Variants in CSMD2 observed in about 807,000 individuals in gnomAD.
CSMD2 encodes the protein CUB and Sushi multiple domains 2, also known as CUB and sushi domain-containing protein 2.
In CSMD2, 130 loss-of-function variants were observed where a neutral mutation model predicts 398.5. That is an observed-to-expected ratio of 0.33 (90% confidence interval 0.28 to 0.38). The LOEUF is 0.38. Among genes scored for constraint, CSMD2 ranks in the 10% least tolerant of loss-of-function variants. The probability of loss-of-function intolerance (pLI) is 1.00; values close to 1 mark genes in which losing one functional copy is unlikely to be tolerated. For synonymous variants in CSMD2, 1,828 were observed against 1,908.5 expected (o/e 0.96, Z 1.10); for missense variants, 3,829 against 4,764.9 (o/e 0.80, Z 5.78).
At chr1:34,074,250 T>G (rs1656064888) in intron 2 of CSMD2, among the ~76,000 whole-genome samples, 1 of 152,252 alleles carries the variant, frequency 6.6e-6, no homozygotes, top group Non-Finnish European at 1.5e-5. Flanking sequence ...CAAAGAGAAT[T>G]AATACTACCC....
rs1642575910 is a variant in CSMD2 at position 33,633,272 on chromosome 1, T to TG, written c.5200+149dup. ...GTTGGAGCTCTCACGAGCTGGCTGC[T>TG]GCGTTGTAGACAAGCACCAGAACAC... On this transcript the variant is annotated intron_variant, in intron 32 of 70. Coordinates refer to ENST00000373381, the MANE Select transcript of CSMD2 (RefSeq NM_001281956.2). The surrounding 1 kb of genome is among the most constrained non-coding windows in gnomAD (Gnocchi z 5.0). 1 of 646,232 alleles carries TG rather than the reference T, an allele frequency of 1.5e-6. No individual in the cohort carries two copies. The highest frequency in any genetic ancestry group is 1.8e-5 in the South Asian group (1 of 54,798). 40.0% of individuals were successfully genotyped at this position (646,232 alleles called of 1,614,324 possible).
intron 6 of CSMD2, among the ~76,000 whole-genome samples, chr1:33,836,531 G>A (rs566223551): frequency 1.3e-5 from 2 of 152,290 alleles, no homozygotes; most frequent in African/African-American, 2.4e-5. Flanking sequence ...CTTCCCAGCC[G>A]CTTTGTTTAC....
chr1:33,874,757 A>G (rs924174742), intron 5 of CSMD2, among the ~76,000 whole-genome samples: 13 of 152,180 alleles, frequency 8.5e-5, no homozygotes, highest in African/African-American at 3.1e-4. Context: ...CAGAATCAGC[A>G]TTTTCCTCTC....
Position 33,810,820 on chromosome 1 carries a change from T to C in CSMD2, c.1369A>G (p.Thr457Ala). The C allele has an allele frequency of 1.9e-6, 3 of 1,611,628 alleles. No homozygotes were observed. Among genetic ancestry groups the C allele is most frequent in the South Asian group, 1.1e-5 (1 of 90,868 alleles). ...TACTGAATGGGGAAATTGGGGGAGGTGATGATGCCCGAGGGGCCTCGAAGG... is the reference window on the plus strand; with the variant it reads ...TACTGAATGGGGAAATTGGGGGAGGCGATGATGCCCGAGGGGCCTCGAAGG... ...AHLRGPSGII[T>A]SPNFPIQYDN... Residue 457 changes from threonine (T) to alanine (A), a missense_variant, in exon 10 of 71, where the codon ACC (threonine) becomes GCC (alanine). Physicochemically the swap from Thr to Ala is moderately conservative, Grantham distance 58. This residue lies in a region of CSMD2 where 2,001 missense variants were observed against 2,567.1 expected (regional missense o/e 0.78). Transcript: ENST00000373381.
chr1:33,719,345 T>C (rs1268501400), intron 19 of CSMD2, among the ~76,000 whole-genome samples: 2 of 152,234 alleles, frequency 1.3e-5, no homozygotes, highest in Non-Finnish European at 2.9e-5. Flanking sequence ...CTTTGCACTC[T>C]ATTCTTCTAG....
Position 34,163,800 on chromosome 1 carries a change from G to T in CSMD2, c.187+1111C>A, listed in dbSNP as rs1641582725. On this transcript the variant is annotated intron_variant, in intron 1 of 70. Transcript: ENST00000373381. This position sits in a 1 kb window ranked among gnomAD's most constrained non-coding sequence, Gnocchi z 5.4. The stretch of plus-strand genomic sequence containing the variant: ...ATGAAAATGCGGTTCCAGGCATCCC[G>T]GTTTGGACCCGTCTCCACCCGGGCA... Among the ~76,000 whole-genome samples the T allele has an allele frequency of 6.6e-6, 1 of 152,150 alleles. No individual in the cohort carries two copies. Among genetic ancestry groups the T allele is most frequent in the African/African-American group, 2.4e-5 (1 of 41,438 alleles).
intron 25 of CSMD2, among the ~76,000 whole-genome samples, chr1:33,685,251 G>A (rs754571252): frequency 1.2e-4 from 18 of 152,200 alleles, no homozygotes; most frequent in Admixed American, 2.0e-4. Flanking sequence ...CCTGAGCAGC[G>A]GTACCAAGTC....
At chr1:33,522,651 T>C (rs78442276) in intron 67 of CSMD2, among the ~76,000 whole-genome samples, 13,021 of 152,268 alleles carry the variant, frequency 0.086, 576 homozygotes, top group Non-Finnish European at 0.099. Context: ...TACTCTGGTC[T>C]ACCATGACCT....
chr1:33,636,367 G>A lies in CSMD2; in HGVS notation c.4962C>T (p.Val1654=). ...GKPVWNNPRP[V]CTAPCGGQYV... ...TCCCCAGGCTTCCACCACCTGTGCA[G>A]ACTGGCCGGGGATTGTTCCACACGG... The change falls in exon 30 of 71, where the codon GTC becomes GTT. Residue 1654 remains valine, a synonymous_variant. Transcript: ENST00000373381. The surrounding 1 kb of genome is among the most constrained non-coding windows in gnomAD (Gnocchi z 4.8). 1 of 1,605,956 alleles carries A rather than the reference G, an allele frequency of 6.2e-7. No individual in the cohort carries two copies. Among genetic ancestry groups the A allele is most frequent in the Non-Finnish European group, 8.5e-7 (1 of 1,176,154 alleles).
At chr1:33,678,252 A>G (rs1644785718) in intron 25 of CSMD2, among the ~76,000 whole-genome samples, 1 of 151,300 alleles carries the variant, frequency 6.6e-6, no homozygotes, top group Non-Finnish European at 1.5e-5. Flanking sequence ...AGATGCTGGC[A>G]CCATGCTTCT....
intron 48 of CSMD2, among the ~76,000 whole-genome samples, chr1:33,578,679 A>G (rs1382380030): frequency 1.3e-5 from 2 of 152,196 alleles, no homozygotes; most frequent in Non-Finnish European, 1.5e-5. Flanking sequence ...CTGTGAGGCC[A>G]GGAAAGAGGG....
chr1:33,539,540 A>G (rs956870594), intron 60 of CSMD2, among the ~76,000 whole-genome samples: 6 of 152,250 alleles, frequency 3.9e-5, no homozygotes, highest in Admixed American at 6.5e-5. Context: ...TAGAAAATGT[A>G]TACATATCAC....
At chr1:33,991,863 C>A in intron 3 of CSMD2, among the ~76,000 whole-genome samples, 1 of 147,702 alleles carries the variant, frequency 6.8e-6, no homozygotes, top group African/African-American at 2.5e-5. Context: ...ATTAAGTGGT[C>A]CAAGTCAATA....
chr1:33,771,250 C>T (rs1270002471), intron 13 of CSMD2, among the ~76,000 whole-genome samples: 2 of 152,136 alleles, frequency 1.3e-5, no homozygotes, highest in Non-Finnish European at 2.9e-5. Context: ...GCCCCGTGCA[C>T]CTGTCCCTGG....
At chr1:33,872,443 A>G (rs2125148762) in intron 5 of CSMD2, among the ~76,000 whole-genome samples, 1 of 152,180 alleles carries the variant, frequency 6.6e-6, no homozygotes, top group Middle Eastern at 3.4e-3. Context: ...TCAAAAGATC[A>G]TGGTATTATT....
intron 24 of CSMD2, among the ~76,000 whole-genome samples, chr1:33,693,989 G>A (rs570456117): frequency 6.6e-6 from 1 of 152,238 alleles, no homozygotes; most frequent in Admixed American, 6.5e-5. Context: ...AACCCAGGAG[G>A]TGGAGGTTGT....
At chr1:33,554,427 T>G (rs1411469924) in intron 55 of CSMD2, among the ~76,000 whole-genome samples, 2 of 152,062 alleles carry the variant, frequency 1.3e-5, no homozygotes, top group East Asian at 3.9e-4. Context: ...TCTCCTGATC[T>G]TGTGATCCAC....
At chr1:33,754,697 A>C (rs6684352) in intron 13 of CSMD2, among the ~76,000 whole-genome samples, 45,753 of 152,126 alleles carry the variant, frequency 0.3, 8,447 homozygotes, top group African/African-American at 0.52. Context: ...TTATGTTAAA[A>C]GTTTTTAAAG....
At chr1:33,837,553 G>C (rs1282658321) in intron 6 of CSMD2, among the ~76,000 whole-genome samples, 3 of 152,170 alleles carry the variant, frequency 2.0e-5, no homozygotes, top group African/African-American at 7.2e-5. Context: ...CCGATAGTAT[G>C]CTTAATATTC....
Sources: gnomAD v4.1 joint callset for allele counts (sites outside exome capture counted in the v4.1 genomes callset) on GRCh38, gnomAD v4.1.1 for gene constraint, gnomAD v4.1.1 regional missense constraint, Gnocchi (gnomAD v3.1) non-coding constraint, MANE v1.5 for transcripts, NCBI Gene and HGNC (gene_info 2026-07-23, HGNC 2026-07-21) for gene names.